Variants in TIAM2 observed in about 807,000 individuals in gnomAD.
TIAM2 encodes TIAM Rac1 associated GEF 2.
In TIAM2, 80 loss-of-function variants were observed where a neutral mutation model predicts 152.9. The observed-to-expected ratio is 0.52, with a 90% CI of 0.44 to 0.63. TIAM2 has a LOEUF of 0.63. Among genes scored for constraint, TIAM2 ranks in the 30% least tolerant of loss-of-function variants. TIAM2 has a pLI of 0.00. For missense variants in TIAM2, 1,965 were observed against 2,120.1 expected, an observed-to-expected ratio of 0.93 and a Z score of 1.44; for synonymous variants, 804 against 838.0, an observed-to-expected ratio of 0.96 and a Z score of 0.70.
At chr6:155,231,548 T>G (rs964068351) in intron 15 of TIAM2, among the ~76,000 whole-genome samples, 6 of 152,228 alleles carry the variant, frequency 3.9e-5, no homozygotes, top group Admixed American at 3.3e-4. Flanking sequence ...GTGCTGCCCT[T>G]TTCCTTCTCC....
At chr6:155,239,952 C>G (rs1421762305) in intron 15 of TIAM2, among the ~76,000 whole-genome samples, 2 of 152,212 alleles carry the variant, frequency 1.3e-5, no homozygotes, top group African/African-American at 4.8e-5. Context: ...TGCACCAGCT[C>G]AAGAGTTTCT....
chr6:155,146,116 G>A (rs929780878), intron 6 of TIAM2, among the ~76,000 whole-genome samples: 29 of 152,242 alleles, frequency 1.9e-4, no homozygotes, highest in African/African-American at 7.0e-4. Flanking sequence ...GAGTTTTCCC[G>A]CCTGTGATCC....
At chr6:155,244,589 C>G (rs1783215127) in intron 17 of TIAM2, 69 bp from the exon 18 acceptor site, 1 of 1,550,202 alleles carries the variant, frequency 6.5e-7, no homozygotes, top group Non-Finnish European at 8.8e-7. Context: ...ATTTGTGGGC[C>G]TAAGAGTTAG....
At chr6:155,197,562 G>A (rs913972244) in intron 14 of TIAM2, among the ~76,000 whole-genome samples, 13 of 152,086 alleles carry the variant, frequency 8.5e-5, no homozygotes, top group African/African-American at 3.1e-4. Context: ...CTGTTCTTAT[G>A]CTGCTAATAC....
At chr6:155,005,084 G>A in intron 1 of TIAM2, 1 of 331,644 alleles carries the variant, frequency 3.0e-6, no homozygotes, top group Non-Finnish European at 5.6e-6. Flanking sequence ...AAGGCTTGGA[G>A]GATGGTAATG....
chr6:155,160,489 G>C (rs1158789096), intron 7 of TIAM2, among the ~76,000 whole-genome samples: 2 of 152,266 alleles, frequency 1.3e-5, no homozygotes, highest in East Asian at 3.9e-4. Context: ...TAAATACCTG[G>C]TCACCCCGTG....
At chr6:155,079,370 C>T (rs899375850) in intron 1 of TIAM2, among the ~76,000 whole-genome samples, 2 of 152,148 alleles carry the variant, frequency 1.3e-5, no homozygotes, top group African/African-American at 4.8e-5. Context: ...ACCCAGATGG[C>T]CAGTTTATCT....
intron 14 of TIAM2, among the ~76,000 whole-genome samples, chr6:155,185,495 TTTATTTATTTA>T: frequency 2.9e-3 from 2 of 684 alleles, no homozygotes; most frequent in Non-Finnish European, 5.3e-3. Context: ...GCCACTTTTA[TTTATTTATTTA>T]TTTATTTATT....
chr6:155,072,950 G>A (rs1383201770), intron 1 of TIAM2, among the ~76,000 whole-genome samples: 2 of 152,104 alleles, frequency 1.3e-5, no homozygotes, highest in Non-Finnish European at 2.9e-5. Context: ...AATGAAAAGT[G>A]TTACTAAAGA....
At chr6:155,138,221 G>A (rs148772074) in intron 5 of TIAM2, among the ~76,000 whole-genome samples, 6 of 152,178 alleles carry the variant, frequency 3.9e-5, no homozygotes, top group East Asian at 1.9e-4. Context: ...TACCATTTTC[G>A]CTGGATTTGG....
At chr6:155,061,039 G>T (rs1438094691) in intron 1 of TIAM2, among the ~76,000 whole-genome samples, 4 of 152,176 alleles carry the variant, frequency 2.6e-5, no homozygotes, top group African/African-American at 4.8e-5. Flanking sequence ...TCTCCAAGGA[G>T]CCCTGGTTCC....
chr6:155,216,990 A>G, intron 15 of TIAM2: 1 of 1,257,870 alleles, frequency 7.9e-7, no homozygotes, highest in Non-Finnish European at 1.0e-6. Flanking sequence ...AGAGGGAGAG[A>G]CAACGTGTGT....
chr6:155,239,301 C>T lies in TIAM2; in HGVS notation c.3169-1229C>T, dbSNP rs141787914. Among the ~76,000 whole-genome samples the T allele has an allele frequency of 3.8e-3, 583 of 152,218 alleles. 1 individual carries two copies. Among genetic ancestry groups the T allele is most frequent in the African/African-American group, 0.013 (545 of 41,530 alleles). ...AGTCATTTGTGTTGGGACTCAGCTG[C>T]GTTGTTCAGTAAGAATTTCAGTGCA... is the stretch of plus-strand genomic sequence containing the variant. On this transcript the variant is annotated intron_variant, in intron 15 of 26. Transcript: ENST00000682666.
intron 4 of TIAM2, among the ~76,000 whole-genome samples, chr6:155,131,643 G>A (rs566909621): frequency 6.0e-5 from 9 of 150,774 alleles, no homozygotes; most frequent in South Asian, 4.2e-4. Flanking sequence ...ACAGTGGTGC[G>A]ATCTTGGCTC....
chr6:155,143,946 ACAGATAAAAGGTTAAATATCCC>A (rs1779767693), intron 5 of TIAM2, among the ~76,000 whole-genome samples: 1 of 152,104 alleles, frequency 6.6e-6, no homozygotes, highest in African/African-American at 2.4e-5. Context: ...AGCAGGAGCT[ACAGATAAAAGGTTAAATATCCC>A]CACAGGTAGC....
intron 2 of TIAM2, among the ~76,000 whole-genome samples, chr6:155,113,021 TCCTTTTA>T (rs1778895428): frequency 6.6e-6 from 1 of 152,082 alleles, no homozygotes; most frequent in Admixed American, 6.6e-5. Context: ...GCTACACAGA[TCCTTTTA>T]AAATGTCCCA....
At chr6:155,180,798 G>A (rs551334512) in intron 12 of TIAM2, among the ~76,000 whole-genome samples, 3 of 151,978 alleles carry the variant, frequency 2.0e-5, no homozygotes, top group South Asian at 4.2e-4. Context: ...TAGTAGAGAC[G>A]GGGTTTCACC....
At position 155,137,497 on chromosome 6, in the gene TIAM2, G is replaced by T. The variant is rs1383856915; in HGVS notation, c.1515G>T (p.Gly505=). 1.9e-6 allele frequency: 3 copies of T among 1,614,076 alleles called. No individual in the cohort carries two copies. The highest frequency in any genetic ancestry group is 2.7e-5 in the African/African-American group (2 of 74,928). ...QLDLLFEKEQ[G]VVRKAGWLFF... is the part of the protein sequence containing the mutation. ...ATCTGCTCTTTGAGAAGGAACAGGG[G>T]GTGGTCCGGAAGGCCGGGTGGCTCT... The change falls in exon 5 of 27, where the codon GGG becomes GGT. Residue 505 remains glycine, a synonymous_variant. Coordinates refer to ENST00000682666, the MANE Select transcript of TIAM2 (RefSeq NM_012454.4).
rs565033503 is a variant in TIAM2, at chr6:155,250,710, TTA to T, written c.3952-201_3952-200del. 6.1e-3 allele frequency: 7,824 copies of T among 1,284,876 alleles called. 45 individuals are homozygous for T. The highest frequency in any genetic ancestry group is 7.4e-3 in the Non-Finnish European group (6,816 of 926,280). The allele number at this position is 1,284,876 out of a possible 1,614,324, so 79.6% of individuals were successfully genotyped here. On this transcript the variant is annotated intron_variant, in intron 21 of 26. Transcript: ENST00000682666. ...GCACTGGAGCAAAATGCCTTCACCT[TTA>T]TGTTATTCATCAGACACTTGGGTGC...
Sources: gnomAD v4.1 joint callset for allele counts (sites outside exome capture counted in the v4.1 genomes callset) on GRCh38, gnomAD v4.1.1 for gene constraint, MANE v1.5 for transcripts, NCBI Gene and HGNC (gene_info 2026-07-23, HGNC 2026-07-21) for gene names.